The following ROBO2 variants were observed in gnomAD, a reference collection of about 807,000 sequenced individuals.
ROBO2 encodes roundabout guidance receptor 2.
In ROBO2, 53 loss-of-function variants were observed where a neutral mutation model predicts 160.8. The observed-to-expected ratio is 0.33, with a 90% CI of 0.26 to 0.41. The LOEUF (loss-of-function observed/expected upper bound fraction) is 0.41. Ranked by LOEUF, ROBO2 falls within the 10% of genes least tolerant of loss-of-function variation. The pLI is 1.00. For missense variants in ROBO2, 1,577 were observed against 1,722.4 expected, an observed-to-expected ratio of 0.92 and a Z score of 1.49; for synonymous variants, 664 against 611.7, an observed-to-expected ratio of 1.09 and a Z score of -1.26.
intron 24 of ROBO2, among the ~76,000 whole-genome samples, chr3:77,642,362 T>C (rs1583473185): frequency 6.6e-6 from 1 of 152,256 alleles, no homozygotes; most frequent in East Asian, 1.9e-4. Flanking sequence ...GGTTGGACAA[T>C]GGATGGAATA....
At position 77,625,341 on chromosome 3, in the gene ROBO2, C is replaced by T. The variant is rs577509601; in HGVS notation, c.3760+2909C>T. ...GTAATAATAATAATAATAGGTAACA[C>T]ATATACAACCTTTACGAAGTGCAAG... On this transcript the variant is annotated intron_variant, in intron 23 of 25. Coordinates refer to ENST00000461745, the Ensembl canonical transcript of ROBO2. Among the ~76,000 whole-genome samples the T allele has an allele frequency of 1.1e-4, 17 of 151,802 alleles. No homozygotes were observed. In the South Asian group the frequency reaches 3.5e-3, roughly 32 times the overall value.
chr3:76,952,073 G>A (rs571432147), intron 2 of ROBO2, among the ~76,000 whole-genome samples: 1 of 152,268 alleles, frequency 6.6e-6, no homozygotes, highest in African/African-American at 2.4e-5. Context: ...TTGAATCAGT[G>A]TAAGTCAGTA....
At chr3:76,654,258 C>A (rs2091389433) in intron 2 of ROBO2, among the ~76,000 whole-genome samples, 2 of 152,210 alleles carry the variant, frequency 1.3e-5, no homozygotes, top group South Asian at 4.1e-4. Context: ...ATAGATGCCC[C>A]ATTTTGGGTT....
chr3:77,460,190 C>T (rs921977997), intron 2 of ROBO2, among the ~76,000 whole-genome samples: 1 of 151,886 alleles, frequency 6.6e-6, no homozygotes, highest in Admixed American at 6.6e-5. Context: ...TTGGAGCTTA[C>T]GAATGGTCAG....
exon 17 of ROBO2, chr3:77,588,809 T>G: frequency 6.2e-7 from 1 of 1,613,602 alleles, no homozygotes; most frequent in Non-Finnish European, 8.5e-7. Context: ...AGCAAATCAC[T>G]GATGTGGTGA....
intron 2 of ROBO2, among the ~76,000 whole-genome samples, chr3:76,612,145 A>G (rs1383735137): frequency 1.3e-5 from 2 of 152,150 alleles, no homozygotes; most frequent in African/African-American, 4.8e-5. Flanking sequence ...GTAGTTTTGA[A>G]TTTTGTAAGA....
chr3:76,909,560 AAAT>A (rs2075837751), intron 2 of ROBO2, among the ~76,000 whole-genome samples: 1 of 152,166 alleles, frequency 6.6e-6, no homozygotes, highest in African/African-American at 2.4e-5. Flanking sequence ...GAAACAAAAA[AAAT>A]AATAATTTTT....
At chr3:77,538,030 T>C (rs2092246426) in intron 6 of ROBO2, among the ~76,000 whole-genome samples, 1 of 152,058 alleles carries the variant, frequency 6.6e-6, no homozygotes, top group African/African-American at 2.4e-5. Flanking sequence ...GAATAAGGAT[T>C]TTTATTATTA....
At chr3:76,940,371 A>G (rs1262059608) in intron 2 of ROBO2, among the ~76,000 whole-genome samples, 1 of 152,198 alleles carries the variant, frequency 6.6e-6, no homozygotes, top group Non-Finnish European at 1.5e-5. Flanking sequence ...AATGGATTTT[A>G]TCATGCAAAT....
At chr3:77,476,401 T>G (rs2084014166) in intron 2 of ROBO2, among the ~76,000 whole-genome samples, 1 of 129,220 alleles carries the variant, frequency 7.7e-6, no homozygotes, top group Non-Finnish European at 1.7e-5. Context: ...TGTGTGTGTG[T>G]GTGTGTAGGT....
intron 2 of ROBO2, among the ~76,000 whole-genome samples, chr3:76,526,784 C>G (rs1439268051): frequency 1.3e-5 from 2 of 151,974 alleles, no homozygotes; most frequent in African/African-American, 4.8e-5. Flanking sequence ...TAATGTCCTA[C>G]ATAAATTCTT....
intron 2 of ROBO2, among the ~76,000 whole-genome samples, chr3:75,944,146 A>G (rs895416838): frequency 3.9e-5 from 6 of 152,282 alleles, no homozygotes; most frequent in Admixed American, 2.0e-4. Context: ...TTCTACAAGC[A>G]GGCACACATC....
At chr3:76,464,736 T>G (rs2078273982) in intron 2 of ROBO2, among the ~76,000 whole-genome samples, 1 of 152,190 alleles carries the variant, frequency 6.6e-6, no homozygotes, top group Non-Finnish European at 1.5e-5. Flanking sequence ...AATTTTAGTT[T>G]CAAGTTTTCA....
At chr3:76,702,093 T>C (rs2093057431) in intron 2 of ROBO2, among the ~76,000 whole-genome samples, 1 of 152,078 alleles carries the variant, frequency 6.6e-6, no homozygotes, top group African/African-American at 2.4e-5. Flanking sequence ...TATGACCATG[T>C]ATTATATTTT....
intron 2 of ROBO2, among the ~76,000 whole-genome samples, chr3:77,298,736 T>G (rs2062377448): frequency 6.6e-6 from 1 of 152,234 alleles, no homozygotes; most frequent in Non-Finnish European, 1.5e-5. Context: ...TATTCTCTGT[T>G]ACAGACAAAT....
intron 1 of ROBO2, among the ~76,000 whole-genome samples, chr3:75,923,953 C>CA (rs1947174242): frequency 6.6e-6 from 1 of 152,146 alleles, no homozygotes; most frequent in Admixed American, 6.5e-5. Flanking sequence ...CTACTGTGCA[C>CA]AATGTGTTAG....
At chr3:77,221,222 A>G (rs2085746493) in intron 2 of ROBO2, among the ~76,000 whole-genome samples, 1 of 152,138 alleles carries the variant, frequency 6.6e-6, no homozygotes, top group Non-Finnish European at 1.5e-5. Flanking sequence ...TGAGCTCCCC[A>G]ATTCCTTGCT....
At chr3:77,375,407 A>C (rs994430765) in intron 2 of ROBO2, among the ~76,000 whole-genome samples, 6 of 152,208 alleles carry the variant, frequency 3.9e-5, no homozygotes, top group African/African-American at 1.4e-4. Context: ...TTTAAATTCT[A>C]AGATTGTAAT....
intron 2 of ROBO2, among the ~76,000 whole-genome samples, chr3:76,280,754 C>G (rs376299830): frequency 6.6e-6 from 1 of 152,008 alleles, no homozygotes; most frequent in East Asian, 1.9e-4. Flanking sequence ...TCACCTGAAA[C>G]AGTGGGCTCT....
Sources: gnomAD v4.1 joint callset for allele counts (sites outside exome capture counted in the v4.1 genomes callset) on GRCh38, gnomAD v4.1.1 for gene constraint, MANE v1.5 for transcripts, NCBI Gene and HGNC (gene_info 2026-07-23, HGNC 2026-07-21) for gene names.